The following RBFOX1 variants were observed in gnomAD, a reference collection of about 807,000 sequenced individuals.
RBFOX1 encodes the protein RNA binding fox-1 homolog 1, also known as RNA binding protein fox-1 homolog 1.
A neutral mutation model predicts 57.7 loss-of-function variants in RBFOX1; 8 were observed. That is an observed-to-expected ratio of 0.14 (90% CI 0.08 to 0.25). The LOEUF (loss-of-function observed/expected upper bound fraction) is 0.25, where lower values mean the gene tolerates loss of function less well. Ranked by LOEUF, RBFOX1 falls within the 10% of genes least tolerant of loss-of-function variation. The pLI is 1.00. For missense variants in RBFOX1, 611 were observed against 548.5 expected, an observed-to-expected ratio of 1.11 and a Z score of -1.14; for synonymous variants, 326 against 222.4, an observed-to-expected ratio of 1.47 and a Z score of -4.15.
rs188124998 is a variant in RBFOX1, at chr16:7,329,259, C to A, written c.28-188888C>A. Among the ~76,000 whole-genome samples, 433 of 152,310 alleles carry A rather than the reference C, an allele frequency of 2.8e-3. 1 individual carries two copies. The highest frequency in any genetic ancestry group is 0.01 in the African/African-American group (420 of 41,578). ...TTTGACTTCCGTATGTTTCAGGGAT[C>A]TGCCTGTTTCTTAGCCACTACCAGA... On this transcript the variant is annotated intron_variant, in intron 4 of 15. Coordinates refer to ENST00000550418, the MANE Select transcript of RBFOX1 (RefSeq NM_018723.4).
At chr16:7,043,814 C>T (rs1388502501) in intron 3 of RBFOX1, among the ~76,000 whole-genome samples, 1 of 152,192 alleles carries the variant, frequency 6.6e-6, no homozygotes, top group East Asian at 1.9e-4. Flanking sequence ...ACTCTTGTGT[C>T]ATATTCAATT....
chr16:7,321,140 T>C (rs76059303), intron 4 of RBFOX1, among the ~76,000 whole-genome samples: 6,326 of 152,032 alleles, frequency 0.042, 188 homozygotes, highest in Admixed American at 0.071. Context: ...CTTATACTTA[T>C]ATTGTTTGTT....
chr16:5,648,587 C>T (rs1229938247), intron 3 of RBFOX1, among the ~76,000 whole-genome samples: 1 of 152,008 alleles, frequency 6.6e-6, no homozygotes, highest in Non-Finnish European at 1.5e-5. Flanking sequence ...CTATGATGCA[C>T]AGGACATCTC....
chr16:5,564,013 T>A (rs996910063), intron 2 of RBFOX1, among the ~76,000 whole-genome samples: 11 of 152,174 alleles, frequency 7.2e-5, no homozygotes, highest in African/African-American at 1.2e-4. Context: ...AGAGTTTTTT[T>A]AAAAAATTTT....
chr16:6,160,888 A>T (rs763199763), intron 1 of RBFOX1, among the ~76,000 whole-genome samples: 3 of 152,046 alleles, frequency 2.0e-5, no homozygotes, highest in Non-Finnish European at 4.4e-5. Context: ...CTTTTCTGAG[A>T]TTGCCCTCAT....
At position 5,960,631 on chromosome 16, in the gene RBFOX1, C is replaced by G. The variant is rs559326884; in HGVS notation, c.351+93296C>G. On this transcript the variant is annotated intron_variant, in intron 4 of 19. Transcript: ENST00000641259. ...CACAGAGCAGTCATATCTCCGAAAC[C>G]TCTAGCTCCTCATGAAGTGTTTGGG... Among the ~76,000 whole-genome samples the G allele has an allele frequency of 4.6e-5, 7 of 152,234 alleles. No individual in the cohort carries two copies. The South Asian group carries it at 1.5e-3, about 32-fold the overall frequency.
At chr16:6,898,923 ATATG>A (rs921197590) in intron 3 of RBFOX1, among the ~76,000 whole-genome samples, 27 of 150,862 alleles carry the variant, frequency 1.8e-4, no homozygotes, top group African/African-American at 6.6e-4. Flanking sequence ...GCATATGTGT[ATATG>A]TGTGTATGTG....
At chr16:7,626,169 G>C (rs77455263) in intron 10 of RBFOX1, among the ~76,000 whole-genome samples, 1 of 152,214 alleles carries the variant, frequency 6.6e-6, no homozygotes, top group East Asian at 1.9e-4. Flanking sequence ...CTGCACTGCT[G>C]TTCCGGTTTG....
At chr16:7,176,836 GAAA>G (rs548633899) in intron 4 of RBFOX1, among the ~76,000 whole-genome samples, 7 of 152,042 alleles carry the variant, frequency 4.6e-5, no homozygotes, top group Admixed American at 2.6e-4. Flanking sequence ...TAAATGTAAA[GAAA>G]AAAATACAGA....
chr16:7,495,382 A>G (rs2068286317), intron 4 of RBFOX1, among the ~76,000 whole-genome samples: 1 of 152,200 alleles, frequency 6.6e-6, no homozygotes, highest in South Asian at 2.1e-4. Context: ...AAGTTCTTTG[A>G]GAAATACTCA....
intron 4 of RBFOX1, among the ~76,000 whole-genome samples, chr16:7,193,391 G>C (rs1366355027): frequency 6.6e-6 from 1 of 152,196 alleles, no homozygotes; most frequent in Non-Finnish European, 1.5e-5. Flanking sequence ...AATTGTAGCT[G>C]GATGAGACCT....
chr16:6,445,430 C>T (rs941742372), intron 2 of RBFOX1, among the ~76,000 whole-genome samples: 4 of 151,816 alleles, frequency 2.6e-5, no homozygotes, highest in South Asian at 2.1e-4. Context: ...GAGGTTATTG[C>T]GTTGAGATCA....
Position 7,024,034 on chromosome 16 carries a change from GAT to G in RBFOX1, c.-15-28022_-15-28021del, listed in dbSNP as rs1296919840. 6.0e-3 allele frequency among the ~76,000 whole-genome samples: 916 copies of G among 152,214 alleles called. 10 individuals are homozygous for G. Among genetic ancestry groups the G allele is most frequent in the African/African-American group, 0.021 (878 of 41,540 alleles). ...TCCTGATAACCGTATGTTGAAAAAG[GAT>G]TTAAGAGGAAGGTCATAAAACCAGG... On this transcript the variant is annotated intron_variant, in intron 3 of 15. Transcript: ENST00000550418.
At chr16:6,670,600 A>C (rs2098757959) in intron 3 of RBFOX1, among the ~76,000 whole-genome samples, 2 of 152,210 alleles carry the variant, frequency 1.3e-5, no homozygotes, top group Non-Finnish European at 2.9e-5. Context: ...TGAAAATGCA[A>C]ATTAAAACCA....
At chr16:6,339,994 A>G (rs1307383813) in intron 2 of RBFOX1, among the ~76,000 whole-genome samples, 1 of 152,164 alleles carries the variant, frequency 6.6e-6, no homozygotes. Context: ...AGCAATTCTT[A>G]AACAAAAGCT....
At chr16:7,350,819 A>G (rs1031788481) in intron 4 of RBFOX1, among the ~76,000 whole-genome samples, 4 of 152,166 alleles carry the variant, frequency 2.6e-5, no homozygotes, top group African/African-American at 7.2e-5. Flanking sequence ...CAGGGAGTAT[A>G]GAAATGTATC....
At chr16:7,134,559 C>G (rs533511295) in intron 4 of RBFOX1, among the ~76,000 whole-genome samples, 84 of 152,228 alleles carry the variant, frequency 5.5e-4, no homozygotes, top group African/African-American at 1.9e-3. Context: ...TTCCAAATTG[C>G]TAGCCTATTT....
intron 4 of RBFOX1, among the ~76,000 whole-genome samples, chr16:7,150,657 A>T (rs2075936412): frequency 6.6e-6 from 1 of 152,228 alleles, no homozygotes; most frequent in South Asian, 2.1e-4. Flanking sequence ...TCCAGGAAGA[A>T]TTATTGAAAA....
At chr16:6,200,881 G>T (rs1243608408) in intron 1 of RBFOX1, among the ~76,000 whole-genome samples, 3 of 151,784 alleles carry the variant, frequency 2.0e-5, no homozygotes, top group Admixed American at 1.3e-4. Context: ...TTGTGTGTGT[G>T]TATTTGTGTA....
Sources: allele counts gnomAD v4.1 joint callset (sites outside exome capture counted in the v4.1 genomes callset), GRCh38; gene constraint gnomAD v4.1.1; transcripts MANE v1.5; gene names NCBI Gene and HGNC (gene_info 2026-07-23, HGNC 2026-07-21).